Variants in HK2 observed in about 807,000 individuals in gnomAD.
HK2 encodes hexokinase-2.
In HK2, 42 loss-of-function variants were observed where a neutral mutation model predicts 92.9. The observed-to-expected ratio is 0.45, with a 90% CI of 0.35 to 0.58. HK2 has a LOEUF of 0.58. Ranked by LOEUF, HK2 falls within the 20% of genes least tolerant of loss-of-function variation. The probability of loss-of-function intolerance (pLI) is 0.00; values close to 1 mark genes in which losing one functional copy is unlikely to be tolerated. For synonymous variants in HK2, 422 were observed against 468.0 expected (o/e 0.90, Z 1.27); for missense variants, 978 against 1,245.1 (o/e 0.79, Z 3.23).
intron 13 of HK2, 78 bp from the exon 14 acceptor site, chr2:74,886,216 T>C: frequency 9.9e-7 from 1 of 1,008,728 alleles, no homozygotes; most frequent in Non-Finnish European, 1.6e-6. Context: ...TATATACCTG[T>C]AAATCTCCCA....
intron 4 of HK2, 139 bp from the exon 5 acceptor site, chr2:74,873,137 A>C: frequency 1.3e-6 from 1 of 752,968 alleles, no homozygotes; most frequent in East Asian, 2.5e-5. Context: ...TTCCTAGGCT[A>C]GCCAGGAAGT....
At chr2:74,855,088 C>T (rs1688664106) in intron 2 of HK2, among the ~76,000 whole-genome samples, 1 of 152,240 alleles carries the variant, frequency 6.6e-6, no homozygotes, top group Admixed American at 6.5e-5. Context: ...CCTCCGCCTC[C>T]TGGGTTCAAG....
chr2:74,867,899 A>C, intron 3 of HK2, 115 bp downstream of exon 3: 5 of 1,209,058 alleles, frequency 4.1e-6, no homozygotes, highest in Non-Finnish European at 6.1e-6. Context: ...CAAGACACTC[A>C]TGGATGCCAG....
intron 1 of HK2, among the ~76,000 whole-genome samples, chr2:74,835,513 T>C (rs1688140483): frequency 6.6e-6 from 1 of 152,182 alleles, no homozygotes; most frequent in South Asian, 2.1e-4. Flanking sequence ...CGCAGCTCCC[T>C]ATGGCTGAGC....
chr2:74,863,290 GC>G (rs926956403), intron 2 of HK2, among the ~76,000 whole-genome samples: 2 of 152,138 alleles, frequency 1.3e-5, no homozygotes, highest in African/African-American at 4.8e-5. Flanking sequence ...GTGGCATTTG[GC>G]CCACCAATTT....
intron 1 of HK2, among the ~76,000 whole-genome samples, chr2:74,850,895 A>T (rs182882008): frequency 5.9e-5 from 9 of 151,460 alleles, no homozygotes; most frequent in East Asian, 3.9e-4. Context: ...TGGACACATC[A>T]TCATGCCCTG....
intron 7 of HK2, among the ~76,000 whole-genome samples, chr2:74,876,865 C>T (rs1180863108): frequency 6.6e-6 from 1 of 152,186 alleles, no homozygotes. Context: ...GATTACCACC[C>T]TACGCATAAC....
chr2:74,873,897 G>A lies in HK2; in HGVS notation c.645G>A (p.Met215Ile). Residue 215 changes from methionine (M) to isoleucine (I), a missense_variant, in exon 6 of 18, where the codon ATG becomes ATA. Met to Ile is a conservative substitution (Grantham distance 10). Around this residue, in one of 3 missense-constraint regions of HK2, gnomAD observed 189 missense variants for 289.5 expected, o/e 0.65. Coordinates refer to ENST00000290573, the MANE Select transcript of HK2 (RefSeq NM_000189.5). ...TGAATGACACAGTTGGGACCATGAT[G>A]ACCTGTGGTTATGATGACCACAACT... ...AVVNDTVGTM[M>I]TCGYDDHNCE... 1 of 1,614,134 alleles carries A rather than the reference G, an allele frequency of 6.2e-7. No individual in the cohort carries two copies. The highest frequency in any genetic ancestry group is 8.5e-7 in the Non-Finnish European group (1 of 1,180,008).
chr2:74,848,891 C>T (rs927643988), intron 1 of HK2, among the ~76,000 whole-genome samples: 1 of 152,170 alleles, frequency 6.6e-6, no homozygotes, highest in African/African-American at 2.4e-5. Context: ...TCCAGGTGAT[C>T]CAGATTCTAG....
Position 74,892,746 on chromosome 2 carries a change from A to G in HK2, c.*1805A>G, listed in dbSNP as rs1354606269. ...AATAGTGTCTGATTATACGACTTTT[A>G]AGCAAAGTTGGGTGTAATTAGGTGA... On this transcript the variant is annotated 3_prime_UTR_variant, in exon 18 of 18. Coordinates refer to ENST00000290573, the MANE Select transcript of HK2 (RefSeq NM_000189.5). 2.6e-5 allele frequency: 4 copies of G among 152,162 alleles called. No individual in the cohort carries two copies. The highest frequency in any genetic ancestry group is 1.3e-4 in the Admixed American group (2 of 15,284). The allele number at this position is 152,162 out of a possible 1,614,324, so 9.4% of individuals were successfully genotyped here.
intron 3 of HK2, among the ~76,000 whole-genome samples, chr2:74,869,773 C>T (rs965403780): frequency 6.6e-6 from 1 of 152,138 alleles, no homozygotes; most frequent in African/African-American, 2.4e-5. Flanking sequence ...TCAAAGAGAA[C>T]GAGATTGTCT....
At chr2:74,845,764 G>T (rs188936661) in intron 1 of HK2, among the ~76,000 whole-genome samples, 1 of 152,320 alleles carries the variant, frequency 6.6e-6, no homozygotes, top group African/African-American at 2.4e-5. Context: ...CGGTTCATGG[G>T]CTTTCAGAGG....
chr2:74,840,432 C>T (rs1456280348), intron 1 of HK2, among the ~76,000 whole-genome samples: 1 of 152,082 alleles, frequency 6.6e-6, no homozygotes, highest in Non-Finnish European at 1.5e-5. Context: ...CCCCAGAAAA[C>T]TGGCTTCCTT....
chr2:74,854,522 G>A (rs977599499), intron 2 of HK2, 67 bp downstream of exon 2: 20 of 1,579,546 alleles, frequency 1.3e-5, no homozygotes, highest in Middle Eastern at 1.7e-4. Flanking sequence ...GCTTTGCTCA[G>A]GGACCCAAAT....
In HK2 at chr2:74,874,440, G is replaced by A; in HGVS notation, c.866G>A (p.Gly289Glu). 1 of 1,604,042 alleles carries A rather than the reference G, an allele frequency of 6.2e-7. No homozygotes were observed. Among genetic ancestry groups the A allele is most frequent in the Non-Finnish European group, 8.5e-7 (1 of 1,174,480 alleles). Residue 289 changes from glycine to glutamate, a missense_variant, in exon 7 of 18, where the codon GGA (glycine) becomes GAA (glutamate). By Grantham distance (98) the Gly-to-Glu change is moderately conservative. Around this residue, in one of 3 missense-constraint regions of HK2, gnomAD observed 742 missense variants for 922.5 expected, o/e 0.80. Coordinates refer to ENST00000290573, the MANE Select transcript of HK2 (RefSeq NM_000189.5). ...QEIDMGSLNPGKQLFEKMISG... is the reference protein window; with the variant it reads ...QEIDMGSLNPEKQLFEKMISG... ...ATTGACATGGGCTCACTGAACCCGGGAAAGCAACTGTGAGTAGGCCCTTCC... is the reference window on the plus strand; with the variant it reads ...ATTGACATGGGCTCACTGAACCCGGAAAAGCAACTGTGAGTAGGCCCTTCC...
chr2:74,885,297 G>A lies in HK2; in HGVS notation c.1840-197G>A, dbSNP rs138410344. Among the ~76,000 whole-genome samples, 19 of 152,306 alleles carry A rather than the reference G, an allele frequency of 1.2e-4. No individual in the cohort carries two copies. In the East Asian group the frequency reaches 3.7e-3, roughly 29 times the overall value. On this transcript the variant is annotated intron_variant, in intron 12 of 17. Coordinates refer to ENST00000290573, the MANE Select transcript of HK2 (RefSeq NM_000189.5). Reference sequence around the variant, plus strand: ...TAATGCATGATCTATGCTTAGCCCAGTACCTGCTACACAGTAGGTGCTCAA... The same window carrying A: ...TAATGCATGATCTATGCTTAGCCCAATACCTGCTACACAGTAGGTGCTCAA...
At chr2:74,851,358 C>T (rs1369177236) in intron 1 of HK2, among the ~76,000 whole-genome samples, 4 of 152,254 alleles carry the variant, frequency 2.6e-5, no homozygotes, top group Admixed American at 2.0e-4. Context: ...CTGTTTTCAT[C>T]TGTCATTGAA....
chr2:74,867,794 TTC>T lies in HK2; in HGVS notation c.375+15_375+16del, dbSNP rs1315593997. The T allele has an allele frequency of 6.2e-7, 1 of 1,613,878 alleles. No individual in the cohort carries two copies. Among genetic ancestry groups the T allele is most frequent in the Non-Finnish European group, 8.5e-7 (1 of 1,179,922 alleles). On this transcript the variant is annotated intron_variant, in intron 3 of 17. Transcript: ENST00000290573. The stretch of plus-strand genomic sequence containing the variant: ...AGGCAGTGGCACCCAGGTATGACCC[TTC>T]TCTCAGGGCAGCCCCTGGTGACAAA...
intron 1 of HK2, among the ~76,000 whole-genome samples, chr2:74,840,956 G>A (rs551604676): frequency 4.0e-5 from 6 of 149,892 alleles, no homozygotes; most frequent in Admixed American, 6.7e-5. Flanking sequence ...CACTGGACAC[G>A]TCTTCATATC....
Sources: gnomAD v4.1 joint callset for allele counts (sites outside exome capture counted in the v4.1 genomes callset) on GRCh38, gnomAD v4.1.1 for gene constraint, gnomAD v4.1.1 regional missense constraint, MANE v1.5 for transcripts, NCBI Gene and HGNC (gene_info 2026-07-23, HGNC 2026-07-21) for gene names.